The following YTHDC1 variants were observed in gnomAD, a reference collection of about 807,000 sequenced individuals.
YTHDC1 encodes YTH N6-methyladenosine RNA binding protein C1.
YTHDC1 carries 12 observed loss-of-function variants against 107.0 expected under a neutral mutation model. The observed-to-expected ratio is 0.11, with a 90% CI of 0.07 to 0.18. The LOEUF (loss-of-function observed/expected upper bound fraction) is 0.18. YTHDC1 is among the 10% of genes least tolerant of loss of function. The pLI, the probability that YTHDC1 is intolerant of heterozygous loss-of-function variation, is 1.00. For missense variants in YTHDC1, 635 were observed against 898.8 expected, an observed-to-expected ratio of 0.71 and a Z score of 3.75; for synonymous variants, 280 against 289.5, an observed-to-expected ratio of 0.97 and a Z score of 0.33.
intron 9 of YTHDC1, among the ~76,000 whole-genome samples, chr4:68,327,402 A>G (rs116478185): frequency 0.038 from 5,129 of 136,308 alleles, 93 homozygotes; most frequent in Middle Eastern, 0.07. Context: ...GGCAACCTTA[A>G]TAAGTCGCTT....
chr4:68,343,203 A>G (rs564148741), intron 1 of YTHDC1, among the ~76,000 whole-genome samples: 1 of 151,348 alleles, frequency 6.6e-6, no homozygotes, highest in Non-Finnish European at 1.5e-5. Flanking sequence ...CTTTTTTTTT[A>G]ATTTGTTTTT....
At chr4:68,332,054 T>C in intron 7 of YTHDC1, 49 bp downstream of exon 7, 2 of 1,234,888 alleles carry the variant, frequency 1.6e-6, no homozygotes, top group Non-Finnish European at 2.3e-6. Flanking sequence ...TATTTTCCCA[T>C]TTAAAAATTT....
chr4:68,313,865 T>C lies in YTHDC1; in HGVS notation c.*234A>G, dbSNP rs1721516465. On this transcript the variant is annotated 3_prime_UTR_variant, in exon 17 of 17. Coordinates refer to ENST00000344157, the MANE Select transcript of YTHDC1 (RefSeq NM_001031732.4). Reference sequence around the variant, plus strand: ...TATCTACATTCTTGGACTGTTCCATTCTGCCCCAATAAAAGTGTCAATTCA... The same window carrying C: ...TATCTACATTCTTGGACTGTTCCATCCTGCCCCAATAAAAGTGTCAATTCA... 2 of 580,402 alleles carry C rather than the reference T, an allele frequency of 3.4e-6. No homozygotes were observed. Among genetic ancestry groups the C allele is most frequent in the African/African-American group, 1.9e-5 (1 of 53,524 alleles). 36.0% of individuals were successfully genotyped at this position (580,402 alleles called of 1,614,324 possible). A position where few individuals can be genotyped will look rare whatever the true frequency, so the allele number is the denominator to read the frequency against.
intron 15 of YTHDC1, 97 bp downstream of exon 15, chr4:68,318,419 CTTT>C: frequency 1.6e-6 from 2 of 1,250,242 alleles, no homozygotes; most frequent in Non-Finnish European, 2.2e-6. Flanking sequence ...GTTTAAGTCT[CTTT>C]AATGAGTAAC....
At position 68,337,110 on chromosome 4, in the gene YTHDC1, C is replaced by T; in HGVS notation, c.800G>A (p.Arg267Gln). The change falls in exon 4 of 17, where the codon CGA becomes CAA. Residue 267 changes from arginine to glutamine, a missense_variant. Physicochemically the swap from Arg to Gln is conservative, Grantham distance 43. This residue lies in a region of YTHDC1 where 294 missense variants were observed against 312.3 expected (regional missense o/e 0.94). Transcript: ENST00000344157. ...QKEEGNDYDT[R>Q]SEASDSGSES... ...AGAACCAGAGTCACTGGCCTCACTT[C>T]GAGTGTCATAATCATTTCCCTCCTC... is the stretch of plus-strand genomic sequence containing the variant. 2 of 1,614,076 alleles carry T rather than the reference C, an allele frequency of 1.2e-6. No individual in the cohort carries two copies. Among genetic ancestry groups the T allele is most frequent in the Non-Finnish European group, 1.7e-6 (2 of 1,180,000 alleles).
chr4:68,338,269 G>A lies in YTHDC1; in HGVS notation c.130+14C>T. 3 of 1,579,184 alleles carry A rather than the reference G, an allele frequency of 1.9e-6. No homozygotes were observed. Among genetic ancestry groups the A allele is most frequent in the East Asian group, 2.2e-5 (1 of 44,530 alleles). Reference sequence around the variant, plus strand: ...TACTGTTATTTCAACAAAAATAATAGAACTCTTACATACCCTTTTTCTCAT... The same window carrying A: ...TACTGTTATTTCAACAAAAATAATAAAACTCTTACATACCCTTTTTCTCAT... On this transcript the variant is annotated intron_variant, in intron 2 of 16. Transcript: ENST00000344157.
chr4:68,326,241 T>C (rs1255738095), intron 9 of YTHDC1, among the ~76,000 whole-genome samples: 1 of 152,100 alleles, frequency 6.6e-6, no homozygotes, highest in Non-Finnish European at 1.5e-5. Context: ...GTTGAGATTC[T>C]TTGGTGGCAC....
chr4:68,326,283 C>T (rs1188063744), intron 9 of YTHDC1, among the ~76,000 whole-genome samples: 1 of 152,146 alleles, frequency 6.6e-6, no homozygotes. Flanking sequence ...GACATCTGTT[C>T]ACTGTTTCAA....
chr4:68,317,952 GA>G (rs1466098320), intron 15 of YTHDC1, among the ~76,000 whole-genome samples: 1 of 152,152 alleles, frequency 6.6e-6, no homozygotes, highest in Non-Finnish European at 1.5e-5. Context: ...GGAAGAAAAA[GA>G]AATATATCTG....
intron 11 of YTHDC1, among the ~76,000 whole-genome samples, chr4:68,321,051 TA>T (rs1722397095): frequency 6.6e-6 from 1 of 152,124 alleles, no homozygotes; most frequent in Non-Finnish European, 1.5e-5. Context: ...TAAATCGGGT[TA>T]ACTTAACACA....
At chr4:68,346,100 T>TATATATATATATATATATATATATACAC (rs144743953) in intron 1 of YTHDC1, among the ~76,000 whole-genome samples, 1 of 134,134 alleles carries the variant, frequency 7.5e-6, no homozygotes, top group African/African-American at 3.0e-5. Context: ...TATATATATA[T>TATATATATATATATATATATATATACAC]ACACACACAC....
At position 68,313,803 on chromosome 4, in the gene YTHDC1, G is replaced by A; in HGVS notation, c.*296C>T. 1 of 366,944 alleles carries A rather than the reference G, an allele frequency of 2.7e-6. No homozygotes were observed. Among genetic ancestry groups the A allele is most frequent in the Non-Finnish European group, 4.9e-6 (1 of 204,376 alleles). 22.7% of individuals were successfully genotyped at this position (366,944 alleles called of 1,614,324 possible). A position where few individuals can be genotyped will look rare whatever the true frequency, so the allele number is the denominator to read the frequency against. On this transcript the variant is annotated 3_prime_UTR_variant, in exon 17 of 17. Coordinates refer to ENST00000344157, the MANE Select transcript of YTHDC1 (RefSeq NM_001031732.4). ...ACAAACAAAAAAATAACTCTAGGAT[G>A]AACACACTATAAGAACATTTATGGA...
At position 68,323,997 on chromosome 4, in the gene YTHDC1, T is replaced by G. The variant is rs983617720; in HGVS notation, c.1434+142A>C. ...GTCTTATTAGTCTCAATCACAGTTA[T>G]TATAAACTTCAGATAAGATTATTTT... On this transcript the variant is annotated intron_variant, in intron 10 of 16. Coordinates refer to ENST00000344157, the MANE Select transcript of YTHDC1 (RefSeq NM_001031732.4). 1.0e-5 allele frequency: 7 copies of G among 673,318 alleles called. No homozygotes were observed. In the Admixed American group the frequency reaches 2.1e-4, roughly 21 times the overall value. 41.7% of individuals were successfully genotyped at this position (673,318 alleles called of 1,614,324 possible). A position where few individuals can be genotyped will look rare whatever the true frequency, so the allele number is the denominator to read the frequency against.
At chr4:68,336,521 A>C (rs1231607314) in intron 4 of YTHDC1, among the ~76,000 whole-genome samples, 1 of 152,158 alleles carries the variant, frequency 6.6e-6, no homozygotes, top group African/African-American at 2.4e-5. Context: ...CCTCTTGTCG[A>C]CCCTGTCTCA....
chr4:68,319,184 A>C (rs1467450993), intron 12 of YTHDC1, among the ~76,000 whole-genome samples: 2 of 152,208 alleles, frequency 1.3e-5, no homozygotes, highest in African/African-American at 4.8e-5. Context: ...AACTATCTTG[A>C]GCACACTATG....
chr4:68,347,626 A>T (rs1725595210), intron 1 of YTHDC1, among the ~76,000 whole-genome samples: 1 of 152,210 alleles, frequency 6.6e-6, no homozygotes, highest in Non-Finnish European at 1.5e-5. Context: ...CTCATTTGCT[A>T]TCAAGATCTT....
chr4:68,338,381 C>T lies in YTHDC1; in HGVS notation c.32G>A (p.Gly11Glu), dbSNP rs770752862. The change falls in exon 2 of 17, where the codon GGA becomes GAA. Residue 11 changes from glycine (G) to glutamate (E), a missense_variant. Gly to Glu is a moderately conservative substitution (Grantham distance 98). Around this residue, in one of 5 missense-constraint regions of YTHDC1, gnomAD observed 21 missense variants for 21.4 expected, o/e 0.98. Transcript: ENST00000344157. MAADSREEKD[G>E]ELNVLDDILT... ...AATATCATCCAGAACATTAAGTTCT[C>T]CATCTGCAAATAAAATTAAAAATTA... 6.3e-7 allele frequency: 1 copy of T among 1,581,978 alleles called. No individual in the cohort carries two copies. Among genetic ancestry groups the T allele is most frequent in the Non-Finnish European group, 8.6e-7 (1 of 1,167,258 alleles).
At position 68,338,653 on chromosome 4, in the gene YTHDC1, C is replaced by G. The variant is rs193008748; in HGVS notation, c.29-269G>C. 2.6e-5 allele frequency among the ~76,000 whole-genome samples: 4 copies of G among 152,320 alleles called. No homozygotes were observed. In the East Asian group the frequency reaches 7.7e-4, roughly 29 times the overall value. On this transcript the variant is annotated intron_variant, in intron 1 of 16. Transcript: ENST00000344157. ...ATCACGTGACGCCAGGAGTTTGAGA[C>G]CAGCCTGGCCAACATGGCAAAACCC...
intron 1 of YTHDC1, chr4:68,343,960 T>C (rs193137507): frequency 1.3e-5 from 2 of 152,306 alleles, no homozygotes; most frequent in East Asian, 3.9e-4. Flanking sequence ...AACTCAGCTC[T>C]TGAATGCTGT....
Sources: allele counts gnomAD v4.1 joint callset (sites outside exome capture counted in the v4.1 genomes callset), GRCh38; gene constraint gnomAD v4.1.1; regional missense constraint gnomAD v4.1.1; transcripts MANE v1.5; gene names NCBI Gene and HGNC (gene_info 2026-07-23, HGNC 2026-07-21).